MAML2: variants seen among roughly 807,000 people sequenced by gnomAD.
The protein encoded by MAML2 is mastermind-like protein 2.
MAML2 carries 22 observed loss-of-function variants against 96.1 expected under a neutral mutation model. The ratio of observed to expected loss-of-function variants is 0.23; its 90% CI spans 0.16 to 0.33. The LOEUF is 0.33. Ranked by LOEUF, MAML2 falls within the 10% of genes least tolerant of loss-of-function variation. The probability of loss-of-function intolerance (pLI) is 1.00; values close to 1 mark genes in which losing one functional copy is unlikely to be tolerated. For synonymous variants in MAML2, 561 were observed against 521.3 expected, an observed-to-expected ratio of 1.08 and a Z score of -1.04; for missense variants, 1,367 against 1,392.4, an observed-to-expected ratio of 0.98 and a Z score of 0.29.
At chr11:96,298,866 C>T (rs1863339408) in intron 1 of MAML2, among the ~76,000 whole-genome samples, 1 of 146,058 alleles carries the variant, frequency 6.8e-6, no homozygotes, top group Non-Finnish European at 1.5e-5. Context: ...CACAGTGAAA[C>T]CCCGTCTCTA....
In MAML2 at chr11:96,225,769, G is replaced by T. The variant is rs150726969; in HGVS notation, c.513+115614C>A. Among the ~76,000 whole-genome samples the T allele has an allele frequency of 1.8e-3, 276 of 152,082 alleles. 1 individual carries two copies. Among genetic ancestry groups the T allele is most frequent in the African/African-American group, 6.3e-3 (263 of 41,470 alleles). On this transcript the variant is annotated intron_variant, in intron 1 of 4. Transcript: ENST00000524717. ...ACTCACTTGAATCTGGGAGGCGAAG[G>T]TTGCAGTGAGCCAAAAATGGGCCAC...
intron 1 of MAML2, among the ~76,000 whole-genome samples, chr11:96,218,567 C>T (rs1862084121): frequency 6.6e-6 from 1 of 152,110 alleles, no homozygotes; most frequent in Non-Finnish European, 1.5e-5. Context: ...TGTGAGGTAA[C>T]TTCCTGCCCC....
intron 1 of MAML2, among the ~76,000 whole-genome samples, chr11:96,227,536 TG>T (rs1862231633): frequency 6.6e-6 from 1 of 152,210 alleles, no homozygotes. Context: ...GTTCAGAGCA[TG>T]AGCTCTGAAG....
At chr11:96,098,661 T>G (rs1859873632) in intron 1 of MAML2, among the ~76,000 whole-genome samples, 1 of 152,212 alleles carries the variant, frequency 6.6e-6, no homozygotes, top group Non-Finnish European at 1.5e-5. Context: ...ATTCTTCCAT[T>G]TGGACACCTA....
chr11:96,202,300 G>A (rs934257620), intron 1 of MAML2, among the ~76,000 whole-genome samples: 112 of 141,208 alleles, frequency 7.9e-4, no homozygotes, highest in African/African-American at 2.9e-3. Flanking sequence ...GCAGCGAGCC[G>A]AGATCTCACC....
intron 1 of MAML2, among the ~76,000 whole-genome samples, chr11:96,337,145 C>CA (rs1863931291): frequency 6.6e-6 from 1 of 150,958 alleles, no homozygotes; most frequent in Non-Finnish European, 1.5e-5. Flanking sequence ...AAGAATTCTC[C>CA]TTTTTTTTTA....
intron 1 of MAML2, among the ~76,000 whole-genome samples, chr11:96,299,058 A>ATATATATATATATATATATAT (rs61036575): frequency 1.9e-4 from 11 of 58,022 alleles, no homozygotes; most frequent in African/African-American, 2.5e-4. Flanking sequence ...AAAAAAAAAA[A>ATATATATATATATATATATAT]AAATATATAT....
intron 1 of MAML2, among the ~76,000 whole-genome samples, chr11:96,303,407 C>T (rs940793753): frequency 6.6e-6 from 1 of 152,094 alleles, no homozygotes. Flanking sequence ...TTATAGTTAT[C>T]TATATATAAC....
chr11:96,259,523 A>G (rs1862719130), intron 1 of MAML2, among the ~76,000 whole-genome samples: 1 of 152,192 alleles, frequency 6.6e-6, no homozygotes, highest in Non-Finnish European at 1.5e-5. Flanking sequence ...GTTTGTCTAG[A>G]ATTTCCATTT....
intron 2 of MAML2, among the ~76,000 whole-genome samples, chr11:96,032,317 G>A (rs902244519): frequency 6.6e-5 from 10 of 151,912 alleles, no homozygotes; most frequent in South Asian, 2.1e-4. Flanking sequence ...CACTGGGTGC[G>A]GTGGCTCATA....
intron 1 of MAML2, among the ~76,000 whole-genome samples, chr11:96,301,922 C>T (rs1261444262): frequency 1.3e-5 from 2 of 152,184 alleles, no homozygotes; most frequent in East Asian, 3.8e-4. Flanking sequence ...ATTTTGGCTA[C>T]AAGATTAACA....
intron 1 of MAML2, among the ~76,000 whole-genome samples, chr11:96,145,188 G>C (rs756866095): frequency 1.8e-4 from 28 of 152,064 alleles, no homozygotes; most frequent in Non-Finnish European, 3.2e-4. Flanking sequence ...CTTTATTTAG[G>C]GCTAAGACCA....
At chr11:96,232,346 A>G (rs1177330754) in intron 1 of MAML2, among the ~76,000 whole-genome samples, 2 of 152,236 alleles carry the variant, frequency 1.3e-5, no homozygotes, top group Admixed American at 1.3e-4. Context: ...TGCTACAGAA[A>G]TTCCGAGAGA....
At chr11:96,266,185 C>T (rs559739388) in intron 1 of MAML2, among the ~76,000 whole-genome samples, 1 of 152,118 alleles carries the variant, frequency 6.6e-6, no homozygotes, top group African/African-American at 2.4e-5. Flanking sequence ...ACTTCCCCAT[C>T]GTACACCCTG....
intron 1 of MAML2, among the ~76,000 whole-genome samples, chr11:96,304,046 C>T (rs554688505): frequency 1.6e-4 from 24 of 152,216 alleles, no homozygotes; most frequent in Non-Finnish European, 3.1e-4. Flanking sequence ...GTACCTCCTT[C>T]TCGAATTCAG....
intron 2 of MAML2, among the ~76,000 whole-genome samples, chr11:96,025,872 T>C (rs1017570203): frequency 2.6e-5 from 4 of 152,180 alleles, no homozygotes; most frequent in Non-Finnish European, 4.4e-5. Context: ...AAAGTATAAA[T>C]TATTTTTTAA....
intron 2 of MAML2, among the ~76,000 whole-genome samples, chr11:96,043,499 C>T (rs1204250538): frequency 6.6e-6 from 1 of 152,214 alleles, no homozygotes; most frequent in Non-Finnish European, 1.5e-5. Context: ...TGGTGGAAAC[C>T]TGGTCTCCCC....
rs573234693 is a variant in MAML2 at position 96,107,716 on chromosome 11, G to A, written c.514-14199C>T. ...TCCAGGGAGGAGAGAGGGGCTAAAG[G>A]TTGCGTTGATCACCGGTGGCCAATG... On this transcript the variant is annotated intron_variant, in intron 1 of 4. Coordinates refer to ENST00000524717, the MANE Select transcript of MAML2 (RefSeq NM_032427.4). 7.2e-5 allele frequency among the ~76,000 whole-genome samples: 11 copies of A among 152,310 alleles called. No individual in the cohort carries two copies. The South Asian group carries it at 2.1e-3, about 29-fold the overall frequency.
At chr11:96,245,215 CT>C (rs10584752) in intron 1 of MAML2, among the ~76,000 whole-genome samples, 65,526 of 131,598 alleles carry the variant, frequency 0.5, 15,468 homozygotes, top group Middle Eastern at 0.57. Context: ...AGTCATCCTT[CT>C]TTTTTTTTTT....
Sources: gnomAD v4.1 joint callset for allele counts (sites outside exome capture counted in the v4.1 genomes callset) on GRCh38, gnomAD v4.1.1 for gene constraint, MANE v1.5 for transcripts, NCBI Gene and HGNC (gene_info 2026-07-23, HGNC 2026-07-21) for gene names.